AOPEP: variants seen among roughly 807,000 people sequenced by gnomAD.
AOPEP encodes aminopeptidase O (putative).
A neutral mutation model predicts 98.1 loss-of-function variants in AOPEP; 77 were observed. The ratio of observed to expected loss-of-function variants is 0.78; its 90% CI spans 0.65 to 0.95. The LOEUF (loss-of-function observed/expected upper bound fraction) is 0.95. Ranked by LOEUF, AOPEP falls within the 40% of genes least tolerant of loss-of-function variation. The probability of loss-of-function intolerance (pLI) is 0.00; values close to 1 mark genes in which losing one functional copy is unlikely to be tolerated. For synonymous variants in AOPEP, 346 were observed against 365.3 expected (o/e 0.95, Z 0.60); for missense variants, 1,024 against 1,024.7 (o/e 1.00, Z 0.01).
chr9:95,118,270 C>T, the AOPEP span, among the ~76,000 whole-genome samples: 1 of 152,188 alleles, frequency 6.6e-6, no homozygotes, highest in Non-Finnish European at 1.5e-5. Flanking sequence ...CCACCTGCCT[C>T]GGCCTCCCAA....
intron 5 of AOPEP, among the ~76,000 whole-genome samples, chr9:94,834,523 T>A (rs977582229): frequency 7.9e-5 from 12 of 152,336 alleles, no homozygotes; most frequent in Admixed American, 2.0e-4. Context: ...AAGAGCCTGG[T>A]GGCTCATGCC....
At chr9:94,845,395 G>A (rs911686644) in intron 5 of AOPEP, among the ~76,000 whole-genome samples, 4 of 152,198 alleles carry the variant, frequency 2.6e-5, no homozygotes, top group African/African-American at 4.8e-5. Context: ...ATTCCACGGG[G>A]CCTTACAGGG....
Position 95,064,351 on chromosome 9 carries a change from G to A in AOPEP, c.2232+3541G>A, listed in dbSNP as rs187404474. On this transcript the variant is annotated intron_variant, in intron 14 of 16. Transcript: ENST00000375315. The stretch of plus-strand genomic sequence containing the variant: ...GCTGTGTCTCCCAGGCTGGAGTGCA[G>A]TGGCACGATCTTGGCTCACTGCAAC... Among the ~76,000 whole-genome samples the A allele has an allele frequency of 5.8e-4, 88 of 152,352 alleles. No homozygotes were observed. In the East Asian group the frequency reaches 0.012, roughly 21 times the overall value.
chr9:95,061,067 T>A, intron 14 of AOPEP: 1 of 332,764 alleles, frequency 3.0e-6, no homozygotes, highest in Non-Finnish European at 5.6e-6. Context: ...ATGAGTGGAA[T>A]GTTTTTGAGT....
chr9:94,994,692 C>T (rs1370764208), intron 11 of AOPEP, among the ~76,000 whole-genome samples: 1 of 152,176 alleles, frequency 6.6e-6, no homozygotes, highest in Non-Finnish European at 1.5e-5. Context: ...TGGCTCATGC[C>T]TGTAATCCCA....
chr9:94,739,234 CTTG>C (rs992625648), intron 1 of AOPEP, among the ~76,000 whole-genome samples: 42 of 152,200 alleles, frequency 2.8e-4, no homozygotes, highest in African/African-American at 9.7e-4. Flanking sequence ...CCCAACTTTC[CTTG>C]TTGTCCTGGT....
At chr9:95,025,546 G>A (rs2063773488) in intron 13 of AOPEP, among the ~76,000 whole-genome samples, 1 of 152,236 alleles carries the variant, frequency 6.6e-6, no homozygotes, top group South Asian at 2.1e-4. Context: ...TAATTCATCA[G>A]GAGTTGGGAG....
chr9:94,955,098 A>G (rs1564441540), intron 7 of AOPEP, 79 bp from the exon 8 acceptor site: 1 of 780,908 alleles, frequency 1.3e-6, no homozygotes, highest in Non-Finnish European at 2.1e-6. Flanking sequence ...AACTCTGAAA[A>G]TAACAAATAA....
intron 13 of AOPEP, 55 bp downstream of exon 13, chr9:95,005,671 C>T: frequency 7.2e-7 from 1 of 1,380,330 alleles, no homozygotes; most frequent in South Asian, 1.2e-5. Flanking sequence ...CGCTTCTGCC[C>T]CGTGAGGACC....
intron 1 of AOPEP, among the ~76,000 whole-genome samples, chr9:94,727,953 G>A (rs1056517466): frequency 6.6e-6 from 1 of 152,132 alleles, no homozygotes; most frequent in African/African-American, 2.4e-5. Context: ...TTGAGTTTCG[G>A]TTATATGAAA....
At chr9:94,849,016 C>T (rs1165606803) in intron 5 of AOPEP, among the ~76,000 whole-genome samples, 1 of 152,134 alleles carries the variant, frequency 6.6e-6, no homozygotes, top group Non-Finnish European at 1.5e-5. Flanking sequence ...TGACCTCAGG[C>T]GATCCACTCG....
intron 14 of AOPEP, among the ~76,000 whole-genome samples, chr9:95,073,743 C>A (rs1295842642): frequency 6.6e-6 from 1 of 152,104 alleles, no homozygotes; most frequent in South Asian, 2.1e-4. Context: ...TCTGTGTTGC[C>A]AGCTACTTGG....
At chr9:94,875,824 CCTT>C (rs1359998104) in intron 5 of AOPEP, among the ~76,000 whole-genome samples, 4 of 152,156 alleles carry the variant, frequency 2.6e-5, no homozygotes, top group Non-Finnish European at 5.9e-5. Flanking sequence ...GTAAATGACT[CCTT>C]TGTTCTGAGT....
chr9:95,092,787 T>C, the AOPEP span, among the ~76,000 whole-genome samples: 1 of 152,184 alleles, frequency 6.6e-6, no homozygotes, highest in East Asian at 1.9e-4. Flanking sequence ...CAACGAGGTC[T>C]GACAGAACAG....
In AOPEP at chr9:95,016,034, A is replaced by T. The variant is rs1015514948; in HGVS notation, c.2115+10418A>T. Among the ~76,000 whole-genome samples, 13 of 151,910 alleles carry T rather than the reference A, an allele frequency of 8.6e-5. No individual in the cohort carries two copies. In the South Asian group the frequency reaches 2.7e-3, roughly 32 times the overall value. Reference sequence around the variant, plus strand: ...TTGATCTTTTATCTTTGGCTCATAAATGTGAAATCAAAGTGCCACAGCAAG... The same window carrying T: ...TTGATCTTTTATCTTTGGCTCATAATTGTGAAATCAAAGTGCCACAGCAAG... On this transcript the variant is annotated intron_variant, in intron 13 of 16. Coordinates refer to ENST00000375315, the MANE Select transcript of AOPEP (RefSeq NM_001193329.3).
chr9:95,029,211 G>A (rs1050823245), intron 13 of AOPEP, among the ~76,000 whole-genome samples: 3 of 152,206 alleles, frequency 2.0e-5, no homozygotes, highest in Non-Finnish European at 4.4e-5. Flanking sequence ...CAGAAGACCA[G>A]CCACACATTT....
At chr9:95,066,749 C>T (rs1293406856) in intron 14 of AOPEP, among the ~76,000 whole-genome samples, 1 of 152,158 alleles carries the variant, frequency 6.6e-6, no homozygotes, top group Non-Finnish European at 1.5e-5. Context: ...TACACATTCT[C>T]TGGGGTCTAA....
chr9:94,800,660 C>T (rs1848016785), intron 4 of AOPEP, 97 bp from the exon 5 acceptor site: 1 of 1,282,710 alleles, frequency 7.8e-7, no homozygotes, highest in Non-Finnish European at 1.1e-6. Flanking sequence ...CTGTCTGAAC[C>T]TCTGTCTCCT....
intron 11 of AOPEP, among the ~76,000 whole-genome samples, chr9:94,984,740 T>C (rs1190864306): frequency 6.6e-6 from 1 of 152,244 alleles, no homozygotes; most frequent in Non-Finnish European, 1.5e-5. Flanking sequence ...TCCTGTTGAA[T>C]AGAGCTGTTC....
Sources: allele counts gnomAD v4.1 joint callset (sites outside exome capture counted in the v4.1 genomes callset), GRCh38; gene constraint gnomAD v4.1.1; transcripts MANE v1.5; gene names NCBI Gene and HGNC (gene_info 2026-07-23, HGNC 2026-07-21).